Variants in CBFA2T2 observed in about 807,000 individuals in gnomAD.
CBFA2T2 encodes the protein protein CBFA2T2.
CBFA2T2 carries 11 observed loss-of-function variants against 62.2 expected under a neutral mutation model. That is an observed-to-expected ratio of 0.18 (90% CI 0.11 to 0.29). CBFA2T2 has a LOEUF of 0.29. Ranked by LOEUF, CBFA2T2 falls within the 10% of genes least tolerant of loss-of-function variation. CBFA2T2 has a pLI of 1.00. For synonymous variants in CBFA2T2, 295 were observed against 287.5 expected (o/e 1.03, Z -0.27); for missense variants, 592 against 774.1 (o/e 0.76, Z 2.79).
At chr20:33,518,402 T>C (rs934509441) in intron 1 of CBFA2T2, among the ~76,000 whole-genome samples, 1 of 151,888 alleles carries the variant, frequency 6.6e-6, no homozygotes, top group Non-Finnish European at 1.5e-5. Context: ...ATGGACTAGG[T>C]AGATATATTG....
intron 1 of CBFA2T2, among the ~76,000 whole-genome samples, chr20:33,555,595 C>T (rs2012874253): frequency 6.6e-6 from 1 of 152,112 alleles, no homozygotes; most frequent in Admixed American, 6.6e-5. Context: ...GAAATATGCC[C>T]TTTTATCCCT....
At chr20:33,615,022 A>G (rs2015657386) in intron 3 of CBFA2T2, among the ~76,000 whole-genome samples, 1 of 152,206 alleles carries the variant, frequency 6.6e-6, no homozygotes. Context: ...ACACGTGTGG[A>G]AACACTGCAC....
At chr20:33,620,086 A>G (rs543597386) in intron 4 of CBFA2T2, among the ~76,000 whole-genome samples, 1 of 152,334 alleles carries the variant, frequency 6.6e-6, no homozygotes, top group African/African-American at 2.4e-5. Flanking sequence ...TAGTTTCTAA[A>G]GATGTCTTCT....
rs757399304 is a variant in CBFA2T2 at position 33,602,435 on chromosome 20, A to AT, written c.35-4519dup. ...CACCTCTGCTCTCTGCCAGTCTCTG[A>AT]TTAAAAAAAAAAAAAAAACTCAAAA... On this transcript the variant is annotated intron_variant, in intron 1 of 10. Transcript: ENST00000342704. Among the ~76,000 whole-genome samples the AT allele has an allele frequency of 1.1e-3, 141 of 132,184 alleles. 2 individuals carry two copies. Among genetic ancestry groups the AT allele is most frequent in the Non-Finnish European group, 3.6e-4 (24 of 66,474 alleles). 86.7% of individuals were successfully genotyped at this position (132,184 alleles called of 152,430 possible).
At chr20:33,516,067 T>C (rs948766545) in intron 1 of CBFA2T2, among the ~76,000 whole-genome samples, 4 of 151,026 alleles carry the variant, frequency 2.6e-5, no homozygotes, top group Non-Finnish European at 5.9e-5. Flanking sequence ...CCCAGGAGGT[T>C]GAGGCTGGAG....
chr20:33,524,091 G>A (rs577460765), intron 1 of CBFA2T2, among the ~76,000 whole-genome samples: 99 of 150,950 alleles, frequency 6.6e-4, no homozygotes, highest in Admixed American at 2.2e-3. Context: ...TTGTTTTCTC[G>A]TTTTTTAGAC....
At chr20:33,514,607 T>C (rs1254025790) in intron 1 of CBFA2T2, among the ~76,000 whole-genome samples, 2 of 152,102 alleles carry the variant, frequency 1.3e-5, no homozygotes, top group Non-Finnish European at 2.9e-5. Context: ...GGTAAGGATT[T>C]TGGATTTGCT....
chr20:33,535,608 AT>A (rs1294694800), intron 1 of CBFA2T2, among the ~76,000 whole-genome samples: 1 of 135,136 alleles, frequency 7.4e-6, no homozygotes, highest in African/African-American at 2.8e-5. Flanking sequence ...TTTTATTTTT[AT>A]TTTTTTATTT....
At position 33,629,829 on chromosome 20, in the gene CBFA2T2, C is replaced by T. The variant is rs2016385115; in HGVS notation, c.1143C>T (p.Tyr381=). The stretch of plus-strand genomic sequence containing the variant: ...AACTCAACTACTGGAAAAGACGGTA[C>T]AATGAAAACACAGAGCTGAGGAAAA... ...REELNYWKRR[Y]NENTELRKTG... is the part of the protein sequence containing the mutation. The change falls in exon 8 of 11, where the codon TAC becomes TAT. Residue 381 remains tyrosine (Y), a synonymous_variant. Coordinates refer to ENST00000342704, the MANE Select transcript of CBFA2T2 (RefSeq NM_001032999.3). The T allele has an allele frequency of 6.2e-7, 1 of 1,614,086 alleles. No homozygotes were observed.
chr20:33,590,471 A>C (rs1601019684), intron 1 of CBFA2T2, among the ~76,000 whole-genome samples: 1 of 151,954 alleles, frequency 6.6e-6, no homozygotes, highest in African/African-American at 2.4e-5. Flanking sequence ...ATGCCCCAGG[A>C]ATATACTTCT....
Position 33,647,223 on chromosome 20 carries a change from T to C in CBFA2T2, c.*2577T>C, listed in dbSNP as rs1352554321. On this transcript the variant is annotated 3_prime_UTR_variant, in exon 11 of 11. Transcript: ENST00000342704. ...CAGGTCACAGAGCCATTACAACAGC[T>C]TACTAGTTTTTCATGGATTTGTTGG... 1 of 152,206 alleles carries C rather than the reference T, an allele frequency of 6.6e-6. No homozygotes were observed. Among genetic ancestry groups the C allele is most frequent in the African/African-American group, 2.4e-5 (1 of 41,454 alleles). 9.4% of individuals were successfully genotyped at this position (152,206 alleles called of 1,614,324 possible). A position where few individuals can be genotyped will look rare whatever the true frequency, so the allele number is the denominator to read the frequency against.
chr20:33,523,600 G>A (rs531662024), intron 1 of CBFA2T2, among the ~76,000 whole-genome samples: 1 of 152,284 alleles, frequency 6.6e-6, no homozygotes, highest in African/African-American at 2.4e-5. Flanking sequence ...CCCAGGTGGG[G>A]ATAAATACTT....
chr20:33,512,675 GT>G (rs1568793186), intron 1 of CBFA2T2, among the ~76,000 whole-genome samples: 1 of 151,060 alleles, frequency 6.6e-6, no homozygotes, highest in African/African-American at 2.4e-5. Flanking sequence ...TATTCTGATT[GT>G]TTCTAGTTTT....
At chr20:33,494,163 G>A (rs1334387553) in intron 1 of CBFA2T2, among the ~76,000 whole-genome samples, 1 of 147,206 alleles carries the variant, frequency 6.8e-6, no homozygotes, top group Non-Finnish European at 1.5e-5. Context: ...TTACAGGCGT[G>A]AGCTACCGCG....
At chr20:33,497,972 T>A (rs561489108) in intron 1 of CBFA2T2, among the ~76,000 whole-genome samples, 1 of 152,158 alleles carries the variant, frequency 6.6e-6, no homozygotes, top group African/African-American at 2.4e-5. Context: ...TGTGAGCCAT[T>A]GAGTCCAGCC....
At chr20:33,624,662 G>A in intron 5 of CBFA2T2, 102 bp from the exon 6 acceptor site, 1 of 1,316,342 alleles carries the variant, frequency 7.6e-7, no homozygotes, top group Non-Finnish European at 1.1e-6. Flanking sequence ...TCCTGTTTAT[G>A]CCAGCATGTA....
intron 1 of CBFA2T2, among the ~76,000 whole-genome samples, chr20:33,494,993 A>G (rs1238402130): frequency 6.6e-6 from 1 of 152,222 alleles, no homozygotes; most frequent in Non-Finnish European, 1.5e-5. Context: ...TTCTACACCC[A>G]GTGGTGAATT....
intron 1 of CBFA2T2, among the ~76,000 whole-genome samples, chr20:33,522,403 A>G (rs1370452524): frequency 6.8e-6 from 1 of 146,900 alleles, no homozygotes; most frequent in Non-Finnish European, 1.5e-5. Context: ...ACTAGTGTAC[A>G]TGATCTCAGC....
chr20:33,533,098 C>T (rs1360977733), intron 1 of CBFA2T2, among the ~76,000 whole-genome samples: 2 of 151,976 alleles, frequency 1.3e-5, no homozygotes, highest in African/African-American at 4.8e-5. Flanking sequence ...CTTACATATA[C>T]TTTTGTTTTA....
Sources: allele counts gnomAD v4.1 joint callset (sites outside exome capture counted in the v4.1 genomes callset), GRCh38; gene constraint gnomAD v4.1.1; transcripts MANE v1.5; gene names NCBI Gene and HGNC (gene_info 2026-07-23, HGNC 2026-07-21).